Variants in TSPAN8 observed in about 807,000 individuals in gnomAD.
TSPAN8 encodes the protein tetraspanin 8, also known as tetraspanin-8.
A neutral mutation model predicts 32.8 loss-of-function variants in TSPAN8; 21 were observed. The ratio of observed to expected loss-of-function variants is 0.64; its 90% confidence interval spans 0.45 to 0.92. The LOEUF (loss-of-function observed/expected upper bound fraction) is 0.92. Among genes scored for constraint, TSPAN8 ranks in the 40% least tolerant of loss-of-function variants. The probability of loss-of-function intolerance (pLI) is 0.00; values close to 1 mark genes in which losing one functional copy is unlikely to be tolerated. For synonymous variants in TSPAN8, 95 were observed against 94.6 expected, an observed-to-expected ratio of 1.00 and a Z score of -0.03; for missense variants, 269 against 281.9, an observed-to-expected ratio of 0.95 and a Z score of 0.33.
chr12:71,137,860 A>T, intron 6 of TSPAN8, 93 bp downstream of exon 6: 1 of 1,170,776 alleles, frequency 8.5e-7, no homozygotes, highest in Non-Finnish European at 1.2e-6. Context: ...CAAAATGGAG[A>T]CATTTTTCAA....
At chr12:71,134,534 T>C (rs765143351) in intron 6 of TSPAN8, among the ~76,000 whole-genome samples, 4 of 152,232 alleles carry the variant, frequency 2.6e-5, no homozygotes, top group Non-Finnish European at 5.9e-5. Context: ...GATGTTTATA[T>C]GACAAAGAGC....
At chr12:71,155,948 GTC>G (rs1354315697) in intron 2 of TSPAN8, among the ~76,000 whole-genome samples, 13 of 151,944 alleles carry the variant, frequency 8.6e-5, no homozygotes, top group Non-Finnish European at 1.9e-4. Flanking sequence ...GGCCAGGCTG[GTC>G]TCAAACTCCT....
chr12:71,139,138 T>C (rs1235003758), intron 4 of TSPAN8: 3 of 456,298 alleles, frequency 6.6e-6, no homozygotes, highest in Middle Eastern at 3.3e-4. Context: ...CCTATGATTT[T>C]ACCACAACCC....
At chr12:71,140,196 T>A (rs61226448) in intron 3 of TSPAN8, among the ~76,000 whole-genome samples, 2,176 of 152,314 alleles carry the variant, frequency 0.014, 37 homozygotes, top group East Asian at 0.049. Context: ...TAAAAGCATG[T>A]GTTGTTATGG....
Position 71,137,025 on chromosome 12 carries a change from A to C in TSPAN8, c.444+928T>G, listed in dbSNP as rs147709357. On this transcript the variant is annotated intron_variant, in intron 6 of 8. Coordinates refer to ENST00000247829, the MANE Select transcript of TSPAN8 (RefSeq NM_004616.3). ...GTTGCTCACGCTTGCAATCCCAGCA[A>C]TTTGGGAGGCCAAGGCAGGAGGATC... is the stretch of plus-strand genomic sequence containing the variant. Among the ~76,000 whole-genome samples, 973 of 152,228 alleles carry C rather than the reference A, an allele frequency of 6.4e-3. 13 individuals are homozygous for C. Among genetic ancestry groups the C allele is most frequent in the African/African-American group, 0.022 (905 of 41,544 alleles).
intron 3 of TSPAN8, among the ~76,000 whole-genome samples, chr12:71,141,394 T>C (rs1871900278): frequency 6.6e-6 from 1 of 152,178 alleles, no homozygotes; most frequent in Admixed American, 6.5e-5. Context: ...AATAGAAGTG[T>C]TAGGAAACTA....
intron 2 of TSPAN8, among the ~76,000 whole-genome samples, chr12:71,153,632 G>C (rs1872326256): frequency 6.6e-6 from 1 of 152,312 alleles, no homozygotes; most frequent in African/African-American, 2.4e-5. Flanking sequence ...TTTTACTTAA[G>C]TAAACATTAG....
intron 2 of TSPAN8, among the ~76,000 whole-genome samples, chr12:71,151,205 A>G (rs1281627135): frequency 6.6e-6 from 1 of 151,982 alleles, no homozygotes; most frequent in Non-Finnish European, 1.5e-5. Flanking sequence ...CTAGGACTAC[A>G]GGTGTCAGCC....
intron 8 of TSPAN8, among the ~76,000 whole-genome samples, chr12:71,129,000 T>C (rs1871430779): frequency 7.7e-6 from 1 of 129,422 alleles, no homozygotes; most frequent in Non-Finnish European, 1.8e-5. Context: ...TTTGGAAAAC[T>C]GTAACCCCTG....
chr12:71,139,458 G>T (rs11178649), intron 4 of TSPAN8, among the ~76,000 whole-genome samples: 48,052 of 151,886 alleles, frequency 0.32, 8,491 homozygotes, highest in Non-Finnish European at 0.41. Context: ...TAGAGGTATG[G>T]CAGTAATGTT....
intron 2 of TSPAN8, chr12:71,157,331 C>G (rs1174223142): frequency 9.3e-6 from 3 of 322,408 alleles, no homozygotes; most frequent in East Asian, 1.2e-4. Context: ...GAAAATTGTC[C>G]TTTAATTAAG....
intron 4 of TSPAN8, among the ~76,000 whole-genome samples, chr12:71,138,934 T>G (rs545328165): frequency 9.8e-5 from 14 of 142,878 alleles, no homozygotes; most frequent in African/African-American, 3.8e-4. Context: ...TGATAAACTT[T>G]TATGTCATAT....
At chr12:71,131,756 C>A (rs575957655) in intron 7 of TSPAN8, among the ~76,000 whole-genome samples, 1 of 131,596 alleles carries the variant, frequency 7.6e-6, no homozygotes, top group South Asian at 2.5e-4. Context: ...CTAAGCAGAA[C>A]GAACAACTTA....
Position 71,157,727 on chromosome 12 carries a change from A to T in TSPAN8, c.-49T>A, listed in dbSNP as rs778785133. 2 of 1,477,046 alleles carry T rather than the reference A, an allele frequency of 1.4e-6. No individual in the cohort carries two copies. Among genetic ancestry groups the T allele is most frequent in the African/African-American group, 1.4e-5 (1 of 72,044 alleles). 91.5% of individuals were successfully genotyped at this position (1,477,046 alleles called of 1,614,324 possible). On this transcript the variant is annotated 5_prime_UTR_variant, in exon 2 of 9. Coordinates refer to ENST00000247829, the MANE Select transcript of TSPAN8 (RefSeq NM_004616.3). ...GATGCCGTGAATTTAACTATTCGTT[A>T]CAGGCTTGTCCTGCAATATGCTCTG...
At chr12:71,146,990 G>A (rs1371611867) in intron 2 of TSPAN8, among the ~76,000 whole-genome samples, 1 of 152,116 alleles carries the variant, frequency 6.6e-6, no homozygotes, top group Non-Finnish European at 1.5e-5. Context: ...CATACCCAGG[G>A]AAAGGACATG....
intron 2 of TSPAN8, among the ~76,000 whole-genome samples, chr12:71,153,572 T>C (rs1221622565): frequency 6.6e-6 from 1 of 152,172 alleles, no homozygotes; most frequent in Non-Finnish European, 1.5e-5. Flanking sequence ...TTTGAAAACA[T>C]AAGGCCCTGG....
intron 2 of TSPAN8, among the ~76,000 whole-genome samples, chr12:71,155,754 T>C (rs924555292): frequency 5.9e-5 from 9 of 151,616 alleles, no homozygotes; most frequent in Non-Finnish European, 1.2e-4. Context: ...TTTTCTGAGA[T>C]GGAATCTCAC....
rs139775243 is a variant in TSPAN8, at chr12:71,152,967, G to T, written c.60+4652C>A. On this transcript the variant is annotated intron_variant, in intron 2 of 8. Coordinates refer to ENST00000247829, the MANE Select transcript of TSPAN8 (RefSeq NM_004616.3). Reference sequence around the variant, plus strand: ...CTTCTTTCTGCGCTCTTCAAACCTCGTCATGCACTGGCTTCCTTCAGTTAC... The same window carrying T: ...CTTCTTTCTGCGCTCTTCAAACCTCTTCATGCACTGGCTTCCTTCAGTTAC... Among the ~76,000 whole-genome samples the T allele has an allele frequency of 3.8e-3, 584 of 152,230 alleles. 6 individuals are homozygous for T. The highest frequency in any genetic ancestry group is 0.012 in the African/African-American group (510 of 41,538).
intron 8 of TSPAN8, among the ~76,000 whole-genome samples, chr12:71,126,423 G>A (rs1871351431): frequency 6.6e-6 from 1 of 151,946 alleles, no homozygotes; most frequent in African/African-American, 2.4e-5. Flanking sequence ...TTTTTTTAAT[G>A]GGGAAAAAAT....
Sources: gnomAD v4.1 joint callset for allele counts (sites outside exome capture counted in the v4.1 genomes callset) on GRCh38, gnomAD v4.1.1 for gene constraint, MANE v1.5 for transcripts, NCBI Gene and HGNC (gene_info 2026-07-23, HGNC 2026-07-21) for gene names.